SHB: variants seen among roughly 807,000 people sequenced by gnomAD.
SHB encodes SH2 domain containing adaptor protein B.
Under a neutral mutation model 52.3 loss-of-function variants are expected in SHB, and 20 were observed. The observed-to-expected ratio is 0.38, with a 90% CI of 0.27 to 0.56. The LOEUF is 0.56. Among genes scored for constraint, SHB ranks in the 20% least tolerant of loss-of-function variants. The probability of loss-of-function intolerance (pLI) is 0.71; values close to 1 mark genes in which losing one functional copy is unlikely to be tolerated. For synonymous variants in SHB, 397 were observed against 316.5 expected (o/e 1.25, Z -2.70); for missense variants, 825 against 723.3 (o/e 1.14, Z -1.61).
At chr9:37,960,370 A>C (rs1832680560) in intron 3 of SHB, among the ~76,000 whole-genome samples, 1 of 152,246 alleles carries the variant, frequency 6.6e-6, no homozygotes, top group Admixed American at 6.5e-5. Context: ...GAAGATCTGC[A>C]TTTAGAGAAA....
chr9:38,053,719 C>T (rs1322841517), intron 1 of SHB, among the ~76,000 whole-genome samples: 1 of 151,970 alleles, frequency 6.6e-6, no homozygotes, highest in African/African-American at 2.4e-5. Flanking sequence ...CAGGGCAACC[C>T]CACTGACTTT....
chr9:37,916,541 C>T lies in SHB; in HGVS notation c.*3280G>A, dbSNP rs975360314. 2.6e-5 allele frequency among the ~76,000 whole-genome samples: 4 copies of T among 152,230 alleles called. No homozygotes were observed. Among genetic ancestry groups the T allele is most frequent in the African/African-American group, 4.8e-5 (2 of 41,460 alleles). On this transcript the variant is annotated 3_prime_UTR_variant, in exon 6 of 6. Transcript: ENST00000377707. ...TCCACCCTGTTGACCGGACGCCTTG[C>T]GGGTAGCTGCTTCAGGTTTCCCTCC...
At chr9:38,044,108 T>C (rs914820417) in intron 1 of SHB, among the ~76,000 whole-genome samples, 7 of 152,178 alleles carry the variant, frequency 4.6e-5, no homozygotes, top group African/African-American at 1.7e-4. Flanking sequence ...GGTGGCCAAC[T>C]GGCTTCAAGG....
At chr9:37,949,381 A>G (rs1003567262) in intron 4 of SHB, among the ~76,000 whole-genome samples, 5 of 148,542 alleles carry the variant, frequency 3.4e-5, no homozygotes, top group African/African-American at 1.3e-4. Context: ...AGACACAGCA[A>G]GACTCCATCT....
At chr9:38,007,344 T>C (rs1821086250) in intron 2 of SHB, among the ~76,000 whole-genome samples, 3 of 152,108 alleles carry the variant, frequency 2.0e-5, no homozygotes, top group Non-Finnish European at 4.4e-5. Flanking sequence ...AGAAGAGAAA[T>C]GAAGATGGGT....
At chr9:37,961,461 C>T (rs1037086582) in intron 3 of SHB, among the ~76,000 whole-genome samples, 8 of 152,190 alleles carry the variant, frequency 5.3e-5, no homozygotes, top group African/African-American at 1.9e-4. Flanking sequence ...TGCAAACCCT[C>T]CCTGCTCCCC....
Position 37,919,761 on chromosome 9 carries a change from G to C in SHB, c.*60C>G, listed in dbSNP as rs1288693229. 181 of 1,407,736 alleles carry C rather than the reference G, an allele frequency of 1.3e-4. No homozygotes were observed. Among genetic ancestry groups the C allele is most frequent in the Non-Finnish European group, 2.6e-5 (26 of 1,002,262 alleles). 87.2% of individuals were successfully genotyped at this position (1,407,736 alleles called of 1,614,324 possible). Reference sequence around the variant, plus strand: ...CAACAGTGGCTGGGCTGGTTGGTGGGGGGCCTCTGGCACCTCCAAGTCTCA... The same window carrying C: ...CAACAGTGGCTGGGCTGGTTGGTGGCGGGCCTCTGGCACCTCCAAGTCTCA... On this transcript the variant is annotated 3_prime_UTR_variant, in exon 6 of 6. Transcript: ENST00000377707.
At chr9:37,934,685 T>C (rs549329626) in intron 5 of SHB, among the ~76,000 whole-genome samples, 1 of 152,360 alleles carries the variant, frequency 6.6e-6, no homozygotes, top group African/African-American at 2.4e-5. Flanking sequence ...AAGGTCACTG[T>C]CAGCTCTTTG....
chr9:38,052,188 C>G (rs1821759719), intron 1 of SHB, among the ~76,000 whole-genome samples: 1 of 152,062 alleles, frequency 6.6e-6, no homozygotes, highest in Non-Finnish European at 1.5e-5. Context: ...CTGTCCACCC[C>G]CAGAACACAC....
chr9:37,962,704 C>T (rs556644033), intron 3 of SHB, among the ~76,000 whole-genome samples: 1 of 151,820 alleles, frequency 6.6e-6, no homozygotes, highest in Admixed American at 6.6e-5. Flanking sequence ...TAGAGGTGGC[C>T]TCTCGCTATC....
chr9:37,940,476 T>C (rs1832422278), intron 5 of SHB, among the ~76,000 whole-genome samples: 1 of 152,176 alleles, frequency 6.6e-6, no homozygotes, highest in African/African-American at 2.4e-5. Flanking sequence ...TTAAACCTTT[T>C]AGAAGGAGAA....
At chr9:38,067,256 CCCCTCCCGCGCGCA>C (rs1448597808) in intron 1 of SHB, among the ~76,000 whole-genome samples, 1 of 152,162 alleles carries the variant, frequency 6.6e-6, no homozygotes, top group Non-Finnish European at 1.5e-5. Context: ...ATAGGCTGAC[CCCCTCCCGCGCGCA>C]GCGGGAGGAA....
chr9:38,067,556 G>A (rs888598869), intron 1 of SHB, among the ~76,000 whole-genome samples: 1 of 152,216 alleles, frequency 6.6e-6, no homozygotes, highest in Non-Finnish European at 1.5e-5. Flanking sequence ...AGCGTGAGCG[G>A]AGGGTGGAGG....
chr9:38,036,781 G>A (rs1419820963), intron 1 of SHB, among the ~76,000 whole-genome samples: 2 of 152,200 alleles, frequency 1.3e-5, no homozygotes, highest in East Asian at 1.9e-4. Context: ...GCAGCTACCA[G>A]GGACTATGCT....
intron 5 of SHB, among the ~76,000 whole-genome samples, chr9:37,925,787 C>G (rs1832244014): frequency 1.3e-5 from 2 of 152,198 alleles, no homozygotes; most frequent in African/African-American, 4.8e-5. Flanking sequence ...ACATTTAAAT[C>G]TTACATTGTG....
In SHB at chr9:37,974,541, G is replaced by A. The variant is rs1217235098; in HGVS notation, c.1054+81C>T. The A allele has an allele frequency of 4.2e-6, 5 of 1,204,116 alleles. No homozygotes were observed. The African/African-American group carries it at 7.7e-5, about 18-fold the overall frequency. The allele number at this position is 1,204,116 out of a possible 1,614,324, so 74.6% of individuals were successfully genotyped here. The stretch of plus-strand genomic sequence containing the variant: ...GGATTATTAAACAACCCTGGAGTTT[G>A]TCCTGAGCGCAGGTGGGGACCAAGG... On this transcript the variant is annotated intron_variant, in intron 3 of 5. Coordinates refer to ENST00000377707, the MANE Select transcript of SHB (RefSeq NM_003028.3).
At chr9:37,993,776 A>G (rs1820912983) in intron 2 of SHB, among the ~76,000 whole-genome samples, 1 of 152,234 alleles carries the variant, frequency 6.6e-6, no homozygotes, top group Non-Finnish European at 1.5e-5. Flanking sequence ...CTGAGCTTAC[A>G]GTCTCACTTG....
Position 37,956,029 on chromosome 9 carries a change from C to T in SHB, c.1080G>A (p.Arg360=). Residue 360 remains arginine, a synonymous_variant, in exon 4 of 6, where the codon CGG becomes CGA. Coordinates refer to ENST00000377707, the MANE Select transcript of SHB (RefSeq NM_003028.3). ...CCCGCGAAGGTGAGGGGGATGACTG[C>T]CGCTTCTCGTTGCCATTAAACTGTG... ...LAAQFNGNEK[R]QSSPSPSRDR... The T allele has an allele frequency of 6.4e-7, 1 of 1,572,136 alleles. No homozygotes were observed. The highest frequency in any genetic ancestry group is 8.6e-7 in the Non-Finnish European group (1 of 1,158,406).
intron 2 of SHB, among the ~76,000 whole-genome samples, chr9:37,998,229 G>GGGAGGA (rs1820973704): frequency 1.1e-5 from 1 of 93,754 alleles, no homozygotes; most frequent in Non-Finnish European, 2.5e-5. Context: ...AGGAGGGAGG[G>GGGAGGA]AAGCACTAGG....
Sources: allele counts gnomAD v4.1 joint callset (sites outside exome capture counted in the v4.1 genomes callset), GRCh38; gene constraint gnomAD v4.1.1; transcripts MANE v1.5; gene names NCBI Gene and HGNC (gene_info 2026-07-23, HGNC 2026-07-21).